CCDC102B: variants seen among roughly 807,000 people sequenced by gnomAD.
The protein encoded by CCDC102B is coiled-coil domain containing 102B, also known as coiled-coil domain-containing protein 102B.
Under a neutral mutation model 57.4 loss-of-function variants are expected in CCDC102B, and 75 were observed. That is an observed-to-expected ratio of 1.31 (90% CI 1.08 to 1.58). The LOEUF is 1.58. Ranked by LOEUF, CCDC102B falls within the 40% of genes most tolerant of loss-of-function variation. CCDC102B has a pLI of 0.00. For synonymous variants in CCDC102B, 206 were observed against 201.9 expected, an observed-to-expected ratio of 1.02 and a Z score of -0.17; for missense variants, 636 against 582.6, an observed-to-expected ratio of 1.09 and a Z score of -0.94.
At chr18:68,764,137 C>T (rs190783402) in intron 2 of CCDC102B, among the ~76,000 whole-genome samples, 19 of 152,188 alleles carry the variant, frequency 1.2e-4, no homozygotes, top group Admixed American at 1.2e-3. Flanking sequence ...AAATTTGATT[C>T]ACTACACTCT....
intron 6 of CCDC102B, among the ~76,000 whole-genome samples, chr18:68,933,096 A>AT (rs761419849): frequency 8.2e-5 from 12 of 146,688 alleles, no homozygotes; most frequent in Non-Finnish European, 1.3e-4. Flanking sequence ...TTTACTCCTC[A>AT]TAAAAAAAAA....
At chr18:68,879,387 A>G (rs537410050) in intron 5 of CCDC102B, among the ~76,000 whole-genome samples, 11 of 152,240 alleles carry the variant, frequency 7.2e-5, no homozygotes, top group Admixed American at 3.9e-4. Context: ...GCGGGTTGCC[A>G]CTGCTGGCTC....
At chr18:68,995,151 G>A (rs1042666211) in intron 6 of CCDC102B, among the ~76,000 whole-genome samples, 3 of 152,188 alleles carry the variant, frequency 2.0e-5, no homozygotes, top group Admixed American at 6.5e-5. Flanking sequence ...CTAAAGATCT[G>A]TGGAACTTTG....
intron 2 of CCDC102B, among the ~76,000 whole-genome samples, chr18:68,774,969 T>C (rs12456977): frequency 0.067 from 10,154 of 151,260 alleles, 646 homozygotes; most frequent in African/African-American, 0.16. Flanking sequence ...AGTTAAAATA[T>C]ATGCTATATA....
chr18:68,856,833 A>T (rs570480685), intron 4 of CCDC102B, among the ~76,000 whole-genome samples: 1 of 151,038 alleles, frequency 6.6e-6, no homozygotes, highest in East Asian at 1.9e-4. Context: ...TGATTGAAAT[A>T]TTATGGATGA....
intron 2 of CCDC102B, among the ~76,000 whole-genome samples, chr18:68,748,211 TG>T (rs1316102019): frequency 0.013 from 560 of 42,890 alleles, 7 homozygotes; most frequent in African/African-American, 0.046. Context: ...AACTGGTGTG[TG>T]TGTGTGTGTG....
chr18:69,035,392 A>G (rs886895956), intron 7 of CCDC102B, among the ~76,000 whole-genome samples: 2 of 152,122 alleles, frequency 1.3e-5, no homozygotes, highest in South Asian at 4.1e-4. Context: ...GTTACTAGGT[A>G]CACTACCTAA....
intron 3 of CCDC102B, among the ~76,000 whole-genome samples, chr18:68,842,166 A>G (rs1438711510): frequency 1.3e-5 from 2 of 151,684 alleles, no homozygotes; most frequent in East Asian, 1.9e-4. Flanking sequence ...GCTACAAAGG[A>G]TATTATTTTT....
chr18:68,771,869 T>TACACACACACACAC (rs57733183), intron 2 of CCDC102B, among the ~76,000 whole-genome samples: 80 of 142,108 alleles, frequency 5.6e-4, no homozygotes, highest in Admixed American at 1.6e-3. Context: ...TACTCTGAAA[T>TACACACACACACAC]ACACACACAC....
rs59297967 is a variant in CCDC102B at position 68,732,719 on chromosome 18, A to G, written c.-67+16125A>G. On this transcript the variant is annotated intron_variant, in intron 2 of 3. Coordinates refer to the CCDC102B transcript ENST00000578970. ...TAACCCTCACCTGCCTGCAGACAAC[A>G]TGAATTCATCTATTTAGAGTTAAGG... is the stretch of plus-strand genomic sequence containing the variant. 5.5e-3 allele frequency among the ~76,000 whole-genome samples: 840 copies of G among 152,230 alleles called. 11 individuals carry two copies. The highest frequency in any genetic ancestry group is 0.019 in the African/African-American group (796 of 41,542).
At chr18:68,849,199 A>G (rs2038011734) in intron 4 of CCDC102B, among the ~76,000 whole-genome samples, 1 of 152,092 alleles carries the variant, frequency 6.6e-6, no homozygotes, top group Admixed American at 6.6e-5. Context: ...GTATGTAGCT[A>G]AAATTCTGTA....
chr18:68,973,285 A>G (rs972658410), intron 6 of CCDC102B, among the ~76,000 whole-genome samples: 1 of 152,136 alleles, frequency 6.6e-6, no homozygotes, highest in Non-Finnish European at 1.5e-5. Context: ...GTAAGTCTAT[A>G]TAAAAAAACC....
intron 6 of CCDC102B, among the ~76,000 whole-genome samples, chr18:68,937,767 C>T (rs1245612054): frequency 6.6e-6 from 1 of 151,724 alleles, no homozygotes; most frequent in African/African-American, 2.4e-5. Flanking sequence ...ACCCCACCAG[C>T]CCCCTGACAG....
chr18:69,005,760 G>C (rs899672327), intron 6 of CCDC102B, among the ~76,000 whole-genome samples: 3 of 151,294 alleles, frequency 2.0e-5, no homozygotes, highest in Non-Finnish European at 4.4e-5. Context: ...ATTGGAAACT[G>C]ATTCAATCTA....
intron 2 of CCDC102B, chr18:68,734,754 A>C (rs2033050100): frequency 6.6e-6 from 1 of 152,198 alleles, no homozygotes; most frequent in Non-Finnish European, 1.5e-5. Flanking sequence ...GATGAAGACA[A>C]AGTGTGTGAA....
intron 2 of CCDC102B, among the ~76,000 whole-genome samples, chr18:68,763,569 A>G (rs1369461802): frequency 1.3e-5 from 2 of 152,148 alleles, no homozygotes; most frequent in East Asian, 1.9e-4. Context: ...TGATATGCCA[A>G]TGCAGAGGAT....
intron 6 of CCDC102B, among the ~76,000 whole-genome samples, chr18:68,961,748 A>G (rs1419812846): frequency 6.6e-6 from 1 of 152,032 alleles, no homozygotes; most frequent in Non-Finnish European, 1.5e-5. Context: ...TGCTTGTGAA[A>G]TTATGTATTT....
At chr18:68,991,462 C>T (rs546737512) in intron 6 of CCDC102B, among the ~76,000 whole-genome samples, 6 of 152,276 alleles carry the variant, frequency 3.9e-5, no homozygotes, top group Non-Finnish European at 8.8e-5. Flanking sequence ...CACTACTTGG[C>T]TAAGTGTTCA....
chr18:68,877,745 T>G (rs2039505674), intron 5 of CCDC102B, among the ~76,000 whole-genome samples: 1 of 152,220 alleles, frequency 6.6e-6, no homozygotes, highest in Non-Finnish European at 1.5e-5. Flanking sequence ...TGTTTTCCTA[T>G]GAACTGACAC....
Sources: gnomAD v4.1 joint callset for allele counts (sites outside exome capture counted in the v4.1 genomes callset) on GRCh38, gnomAD v4.1.1 for gene constraint, MANE v1.5 for transcripts, NCBI Gene and HGNC (gene_info 2026-07-23, HGNC 2026-07-21) for gene names.